SNX29: variants seen among roughly 807,000 people sequenced by gnomAD.
SNX29 encodes the protein sorting nexin 29, also known as sorting nexin-29.
In SNX29, 78 loss-of-function variants were observed where a neutral mutation model predicts 102.1. The observed-to-expected ratio is 0.76, with a 90% CI of 0.64 to 0.92. The LOEUF is 0.92. SNX29 is among the 40% of genes least tolerant of loss of function. The pLI is 0.00. For synonymous variants in SNX29, 580 were observed against 414.5 expected, an observed-to-expected ratio of 1.40 and a Z score of -4.85; for missense variants, 1,280 against 1,061.7, an observed-to-expected ratio of 1.21 and a Z score of -2.86.
chr16:12,393,256 C>T (rs1030185076), intron 16 of SNX29, among the ~76,000 whole-genome samples: 1 of 152,170 alleles, frequency 6.6e-6, no homozygotes, highest in East Asian at 1.9e-4. Flanking sequence ...ATAAGATTCT[C>T]TTTCTTTGGT....
rs946002560 is a variant in SNX29 at position 12,572,762 on chromosome 16, C to G, written c.*4133C>G. 9.4e-7 allele frequency: 1 copy of G among 1,063,874 alleles called. No homozygotes were observed. The highest frequency in any genetic ancestry group is 5.4e-5 in the Admixed American group (1 of 18,670). 65.9% of individuals were successfully genotyped at this position (1,063,874 alleles called of 1,614,324 possible). A position where few individuals can be genotyped will look rare whatever the true frequency, so the allele number is the denominator to read the frequency against. Reference sequence around the variant, plus strand: ...AGGGCTGGGTTTTCAGCTTCTGGGACCCGAGGAAGACCCCACCTCACTCCT... The same window carrying G: ...AGGGCTGGGTTTTCAGCTTCTGGGAGCCGAGGAAGACCCCACCTCACTCCT... On this transcript the variant is annotated 3_prime_UTR_variant, in exon 21 of 21. Coordinates refer to ENST00000566228, the MANE Select transcript of SNX29 (RefSeq NM_032167.5).
intron 15 of SNX29, among the ~76,000 whole-genome samples, chr16:12,282,666 G>A (rs1056165781): frequency 2.0e-5 from 3 of 152,030 alleles, no homozygotes. Context: ...TTTTTGTTTT[G>A]TTTTTTGAGA....
chr16:12,201,876 T>C (rs1441920182), intron 14 of SNX29, among the ~76,000 whole-genome samples: 1 of 152,204 alleles, frequency 6.6e-6, no homozygotes, highest in Non-Finnish European at 1.5e-5. Flanking sequence ...AATGCATTTC[T>C]AAGTAGGAAA....
chr16:12,496,507 C>CT lies in SNX29; in HGVS notation c.2178+18670dup, dbSNP rs537441350. Among the ~76,000 whole-genome samples, 969 of 115,160 alleles carry CT rather than the reference C, an allele frequency of 8.4e-3. 15 individuals are homozygous for CT. The highest frequency in any genetic ancestry group is 0.017 in the African/African-American group (451 of 26,008). 75.5% of individuals were successfully genotyped at this position (115,160 alleles called of 152,430 possible). On this transcript the variant is annotated intron_variant, in intron 19 of 20. Coordinates refer to ENST00000566228, the MANE Select transcript of SNX29 (RefSeq NM_032167.5). ...TCTCACACCTCCTTGGCTCTCATGG[C>CT]TTTTTTTTTTTTTTTTTTTTTTAAA...
At chr16:12,532,466 A>T (rs867360343) in intron 20 of SNX29, among the ~76,000 whole-genome samples, 1 of 152,212 alleles carries the variant, frequency 6.6e-6, no homozygotes, top group Non-Finnish European at 1.5e-5. Flanking sequence ...TTAAGCAAAC[A>T]GTTTTAGATG....
At chr16:12,548,724 A>G (rs2859789) in intron 20 of SNX29, among the ~76,000 whole-genome samples, 50,291 of 151,964 alleles carry the variant, frequency 0.33, 10,254 homozygotes, top group East Asian at 0.73. Context: ...GGAGGGGTAC[A>G]TCCAGGGCTC....
intron 18 of SNX29, among the ~76,000 whole-genome samples, chr16:12,426,392 A>C (rs933248386): frequency 1.8e-4 from 28 of 152,176 alleles, no homozygotes; most frequent in African/African-American, 6.8e-4. Flanking sequence ...TCTGCTCAGA[A>C]GTGACACGTC....
At chr16:12,152,623 A>G (rs2055347316) in intron 13 of SNX29, among the ~76,000 whole-genome samples, 1 of 152,040 alleles carries the variant, frequency 6.6e-6, no homozygotes, top group Non-Finnish European at 1.5e-5. Flanking sequence ...GGCTCTTTCC[A>G]TTTTCCTGCA....
chr16:12,231,669 T>C (rs1311906514), intron 14 of SNX29, among the ~76,000 whole-genome samples: 1 of 152,220 alleles, frequency 6.6e-6, no homozygotes, highest in Non-Finnish European at 1.5e-5. Flanking sequence ...GGCAGAATTG[T>C]TGAATGAAGT....
chr16:12,373,285 A>G (rs1249106733), intron 16 of SNX29, among the ~76,000 whole-genome samples: 1 of 152,140 alleles, frequency 6.6e-6, no homozygotes, highest in Non-Finnish European at 1.5e-5. Flanking sequence ...GGCATGCACC[A>G]CCACACTTGG....
At chr16:12,483,883 C>G (rs1048364086) in intron 19 of SNX29, among the ~76,000 whole-genome samples, 1 of 152,170 alleles carries the variant, frequency 6.6e-6, no homozygotes, top group Non-Finnish European at 1.5e-5. Context: ...GGAAATTCCA[C>G]TTGCATTTCA....
rs576174359 is a variant in SNX29 at position 12,487,503 on chromosome 16, C to A, written c.2178+9644C>A. The stretch of plus-strand genomic sequence containing the variant: ...AAGCATCTTGCCCAAGCTCCCGTAG[C>A]TTGTAAGTGCCGGAGCCAGGAATTG... On this transcript the variant is annotated intron_variant, in intron 19 of 20. Transcript: ENST00000566228. Among the ~76,000 whole-genome samples, 8 of 152,308 alleles carry A rather than the reference C, an allele frequency of 5.3e-5. No homozygotes were observed. The South Asian group carries it at 1.7e-3, about 32-fold the overall frequency.
At chr16:12,076,522 G>C (rs906170527) in intron 10 of SNX29, among the ~76,000 whole-genome samples, 1 of 152,034 alleles carries the variant, frequency 6.6e-6, no homozygotes, top group South Asian at 2.1e-4. Flanking sequence ...GGCTGGTCTC[G>C]ACCTCCTGAC....
chr16:12,375,452 C>G (rs937425465), intron 16 of SNX29: 1 of 152,214 alleles, frequency 6.6e-6, no homozygotes, highest in Non-Finnish European at 1.5e-5. Context: ...TCAGCTGGTT[C>G]TCTCTCCAGG....
At chr16:12,311,838 G>C (rs972761509) in intron 15 of SNX29, among the ~76,000 whole-genome samples, 2 of 152,134 alleles carry the variant, frequency 1.3e-5, no homozygotes, top group Non-Finnish European at 2.9e-5. Context: ...TGAGAGTGTT[G>C]GTTTAACTTA....
intron 15 of SNX29, among the ~76,000 whole-genome samples, chr16:12,307,192 T>A (rs938241885): frequency 6.6e-6 from 1 of 152,206 alleles, no homozygotes; most frequent in African/African-American, 2.4e-5. Flanking sequence ...TGAGTTGAAA[T>A]TCTGTGTACT....
At chr16:12,148,910 CA>C (rs1295074324) in intron 13 of SNX29, among the ~76,000 whole-genome samples, 5 of 151,992 alleles carry the variant, frequency 3.3e-5, no homozygotes, top group Non-Finnish European at 7.4e-5. Context: ...CCATGTTTGT[CA>C]GGCTGGTCTC....
Position 12,477,785 on chromosome 16 carries a change from C to T in SNX29, c.2104C>T (p.His702Tyr), listed in dbSNP as rs1387736099. 2 of 1,613,104 alleles carry T rather than the reference C, an allele frequency of 1.2e-6. No homozygotes were observed. Among genetic ancestry groups the T allele is most frequent in the African/African-American group, 2.7e-5 (2 of 74,828 alleles). ...CCGGTATACAGAGTTCAGGAGTTTG[C>T]ACCACAAGTTACAAAACAAGTACCC... ...YRRYTEFRSL[H>Y]HKLQNKYPQV... Residue 702 changes from histidine (H) to tyrosine (Y), a missense_variant, in exon 19 of 21, where the codon CAC becomes TAC. Physicochemically the swap from His to Tyr is moderately conservative, Grantham distance 83. Transcript: ENST00000566228.
rs1302313567 is a variant in SNX29 at position 12,051,754 on chromosome 16, G to C, written c.749-93G>C. ...TTACAGTGTATTTCTCACTCGAATA[G>C]TATTTTCCATAACCTGGAGGTGAGT... On this transcript the variant is annotated intron_variant, in intron 7 of 20. Coordinates refer to ENST00000566228, the MANE Select transcript of SNX29 (RefSeq NM_032167.5). 10 of 1,510,982 alleles carry C rather than the reference G, an allele frequency of 6.6e-6. No homozygotes were observed. The East Asian group carries it at 6.8e-5, about 10-fold the overall frequency. 93.6% of individuals were successfully genotyped at this position (1,510,982 alleles called of 1,614,324 possible).
Sources: allele counts gnomAD v4.1 joint callset (sites outside exome capture counted in the v4.1 genomes callset), GRCh38; gene constraint gnomAD v4.1.1; transcripts MANE v1.5; gene names NCBI Gene and HGNC (gene_info 2026-07-23, HGNC 2026-07-21).